Variants in DAB2 observed in about 807,000 individuals in gnomAD.
DAB2 encodes the protein DAB adaptor protein 2.
A neutral mutation model predicts 71.6 loss-of-function variants in DAB2; 28 were observed. The ratio of observed to expected loss-of-function variants is 0.39; its 90% CI spans 0.29 to 0.54. DAB2 has a LOEUF of 0.54. DAB2 is among the 20% of genes least tolerant of loss of function. DAB2 has a pLI of 0.68. For missense variants in DAB2, 867 were observed against 928.8 expected (o/e 0.93, Z 0.86); for synonymous variants, 345 against 339.7 (o/e 1.02, Z -0.17).
chr5:39,394,101 G>C (rs1755299643), intron 2 of DAB2, 129 bp downstream of exon 2: 2 of 702,412 alleles, frequency 2.8e-6, no homozygotes, highest in African/African-American at 3.6e-5. Context: ...TTCCTATTAG[G>C]AGAACATGAG....
At chr5:39,389,043 G>A (rs753079800) in intron 7 of DAB2, 54 bp downstream of exon 7, 25 of 1,570,530 alleles carry the variant, frequency 1.6e-5, no homozygotes, top group Non-Finnish European at 2.2e-5. Flanking sequence ...GTAGAAAACA[G>A]GGGCTTACGC....
At chr5:39,384,615 A>G (rs1003596202) in intron 9 of DAB2, among the ~76,000 whole-genome samples, 2 of 152,106 alleles carry the variant, frequency 1.3e-5, no homozygotes, top group Non-Finnish European at 1.5e-5. Flanking sequence ...TGGTGTGTTA[A>G]TTTTTTGGAT....
At chr5:39,400,528 G>A (rs965152517) in intron 1 of DAB2, among the ~76,000 whole-genome samples, 2 of 152,062 alleles carry the variant, frequency 1.3e-5, no homozygotes, top group African/African-American at 2.4e-5. Context: ...CACCGCATCC[G>A]GCTGAATGTG....
chr5:39,402,203 G>A (rs1755520206), intron 1 of DAB2, among the ~76,000 whole-genome samples: 2 of 152,264 alleles, frequency 1.3e-5, no homozygotes, highest in South Asian at 4.1e-4. Context: ...AATTATGGGA[G>A]CCACAGTTCA....
chr5:39,393,232 A>G (rs1437293878), intron 3 of DAB2, 22 bp downstream of exon 3: 1 of 1,609,506 alleles, frequency 6.2e-7, no homozygotes, highest in South Asian at 1.1e-5. Context: ...ATATACAGAT[A>G]AAGCATTCAT....
chr5:39,374,964 C>A, intron 14 of DAB2, 50 bp downstream of exon 14: 1 of 1,145,016 alleles, frequency 8.7e-7, no homozygotes, highest in Non-Finnish European at 1.3e-6. Context: ...TCCATGTCAC[C>A]CTTTCTCACA....
At chr5:39,402,693 C>T (rs536912817) in intron 1 of DAB2, among the ~76,000 whole-genome samples, 13 of 152,330 alleles carry the variant, frequency 8.5e-5, no homozygotes, top group Admixed American at 7.2e-4. Context: ...GTTGTAATTA[C>T]AGGCTTGACC....
At chr5:39,411,455 G>A (rs1325927922) in intron 1 of DAB2, among the ~76,000 whole-genome samples, 2 of 152,144 alleles carry the variant, frequency 1.3e-5, no homozygotes, top group Non-Finnish European at 2.9e-5. Flanking sequence ...ATGGACACAA[G>A]TGATTAGATA....
At chr5:39,424,548 T>G (rs76384524) in intron 1 of DAB2, among the ~76,000 whole-genome samples, 3,569 of 150,664 alleles carry the variant, frequency 0.024, 129 homozygotes, top group African/African-American at 0.083. Flanking sequence ...GTTTGTTAAA[T>G]GTCACAAGCT....
rs1754744757 is a variant in DAB2, at chr5:39,373,310, A to G, written c.*121T>C. ...GAGGCAATGAGAAATAAGGCAACAG[A>G]TAATACGTCAAAGCTGGAACAAGGG... On this transcript the variant is annotated 3_prime_UTR_variant, in exon 15 of 15. Coordinates refer to ENST00000320816, the MANE Select transcript of DAB2 (RefSeq NM_001343.4). 6.6e-6 allele frequency: 1 copy of G among 152,486 alleles called. No homozygotes were observed. Among genetic ancestry groups the G allele is most frequent in the South Asian group, 2.1e-4 (1 of 4,830 alleles). The allele number at this position is 152,486 out of a possible 1,614,324, so 9.4% of individuals were successfully genotyped here.
At chr5:39,375,112 A>T in intron 13 of DAB2, 28 bp from the exon 14 acceptor site, 3 of 1,523,912 alleles carry the variant, frequency 2.0e-6, no homozygotes, top group Non-Finnish European at 2.7e-6. Context: ...TCTAGTCAAT[A>T]AATACAGTTA....
rs1011259122 is a variant in DAB2, at chr5:39,422,141, T to G, written c.-102+2663A>C. ...TGATTTTGGCCAACCTTTGTGCAATTCAGCGGCACAGCTTCAACTTTGGAA... is the reference window on the plus strand; with the variant it reads ...TGATTTTGGCCAACCTTTGTGCAATGCAGCGGCACAGCTTCAACTTTGGAA... On this transcript the variant is annotated intron_variant, in intron 1 of 14. Coordinates refer to ENST00000320816, the MANE Select transcript of DAB2 (RefSeq NM_001343.4). The surrounding 1 kb of genome is among the most constrained non-coding windows in gnomAD (Gnocchi z 4.1). 6.6e-6 allele frequency among the ~76,000 whole-genome samples: 1 copy of G among 152,098 alleles called. No homozygotes were observed. The highest frequency in any genetic ancestry group is 1.5e-5 in the Non-Finnish European group (1 of 68,016).
At chr5:39,378,213 A>T in intron 11 of DAB2, among the ~76,000 whole-genome samples, 1 of 152,194 alleles carries the variant, frequency 6.6e-6, no homozygotes, top group East Asian at 1.9e-4. Flanking sequence ...AGGCCTCTCC[A>T]ATGATGGCCT....
rs1214407126 is a variant in DAB2 at position 39,422,683 on chromosome 5, C to T, written c.-102+2121G>A. 1.3e-5 allele frequency among the ~76,000 whole-genome samples: 2 copies of T among 152,082 alleles called. No homozygotes were observed. The highest frequency in any genetic ancestry group is 2.4e-5 in the African/African-American group (1 of 41,388). On this transcript the variant is annotated intron_variant, in intron 1 of 14. Coordinates refer to ENST00000320816, the MANE Select transcript of DAB2 (RefSeq NM_001343.4). This position sits in a 1 kb window ranked among gnomAD's most constrained non-coding sequence, Gnocchi z 4.1. ...TTCAGATAATCGAGGCCTGGTTGAG[C>T]AGGCCAGTAAATATCATCCCCAAAC...
At position 39,375,104 on chromosome 5, in the gene DAB2, TA is replaced by T. The variant is rs1372854328; in HGVS notation, c.2248-21del. 6.4e-7 allele frequency: 1 copy of T among 1,561,314 alleles called. No homozygotes were observed. Among genetic ancestry groups the T allele is most frequent in the South Asian group, 1.1e-5 (1 of 87,422 alleles). ...AGCCACCTAAGAAGATAAAATCATCTAGTCAATAAATACAGTTACAGTCATA... is the reference window on the plus strand; with the variant it reads ...AGCCACCTAAGAAGATAAAATCATCTGTCAATAAATACAGTTACAGTCATA... On this transcript the variant is annotated intron_variant, in intron 13 of 14. Transcript: ENST00000320816.
chr5:39,414,490 TCAC>T (rs1755803604), intron 1 of DAB2, among the ~76,000 whole-genome samples: 1 of 150,740 alleles, frequency 6.6e-6, no homozygotes, highest in South Asian at 2.1e-4. Flanking sequence ...TGAAATCTAT[TCAC>T]CACAATTCTT....
At chr5:39,374,236 T>A (rs1754765810) in intron 14 of DAB2, among the ~76,000 whole-genome samples, 1 of 151,630 alleles carries the variant, frequency 6.6e-6, no homozygotes, top group Admixed American at 6.6e-5. Flanking sequence ...TTTTCATTAT[T>A]TCTATTGTTC....
At chr5:39,414,439 A>G (rs1319763120) in intron 1 of DAB2, among the ~76,000 whole-genome samples, 1 of 152,170 alleles carries the variant, frequency 6.6e-6, no homozygotes, top group Non-Finnish European at 1.5e-5. Context: ...AAGGAGAAAC[A>G]GAAGGAGAAT....
At position 39,381,444 on chromosome 5, in the gene DAB2, A is replaced by T; in HGVS notation, c.1504+10T>A. The T allele has an allele frequency of 6.2e-7, 1 of 1,609,562 alleles. No individual in the cohort carries two copies. Among genetic ancestry groups the T allele is most frequent in the African/African-American group, 1.3e-5 (1 of 74,812 alleles). On this transcript the variant is annotated intron_variant, in intron 11 of 14. Transcript: ENST00000320816. ...AAGAGTCATACTTAATTTTATCTCT[A>T]GGCACCTACCTAGACCCACCAGGGG...
Sources: gnomAD v4.1 joint callset for allele counts (sites outside exome capture counted in the v4.1 genomes callset) on GRCh38, gnomAD v4.1.1 for gene constraint, Gnocchi (gnomAD v3.1) non-coding constraint, MANE v1.5 for transcripts, NCBI Gene and HGNC (gene_info 2026-07-23, HGNC 2026-07-21) for gene names.